FOXK2: variants seen among roughly 807,000 people sequenced by gnomAD.
FOXK2 encodes forkhead box protein K2.
A neutral mutation model predicts 53.3 loss-of-function variants in FOXK2; 24 were observed. The observed-to-expected ratio is 0.45, with a 90% CI of 0.33 to 0.63. The LOEUF (loss-of-function observed/expected upper bound fraction) is 0.63, where lower values mean the gene tolerates loss of function less well. Ranked by LOEUF, FOXK2 falls within the 30% of genes least tolerant of loss-of-function variation. The pLI is 0.03. For missense variants in FOXK2, 952 were observed against 910.5 expected, an observed-to-expected ratio of 1.05 and a Z score of -0.59; for synonymous variants, 505 against 407.1, an observed-to-expected ratio of 1.24 and a Z score of -2.89.
intron 5 of FOXK2, 34 bp downstream of exon 5, chr17:82,582,968 G>A (rs376701656): frequency 3.4e-6 from 5 of 1,466,992 alleles, no homozygotes; most frequent in Admixed American, 2.5e-5. Context: ...GCCTCACTTC[G>A]TGCTTACTAA....
At chr17:82,571,930 C>A in intron 4 of FOXK2, 60 bp downstream of exon 4, 1 of 1,445,480 alleles carries the variant, frequency 6.9e-7, no homozygotes, top group Non-Finnish European at 9.2e-7. Flanking sequence ...GAAAGTGGAG[C>A]GGCTGCTGTC....
chr17:82,537,423 G>A (rs1567966610), intron 1 of FOXK2, among the ~76,000 whole-genome samples: 1 of 151,656 alleles, frequency 6.6e-6, no homozygotes, highest in African/African-American at 2.4e-5. Flanking sequence ...TGAGGTGGGC[G>A]GATCATGAGG....
intron 8 of FOXK2, among the ~76,000 whole-genome samples, chr17:82,596,545 C>G (rs891905509): frequency 5.2e-5 from 8 of 152,386 alleles, no homozygotes; most frequent in African/African-American, 1.9e-4. Context: ...GACGCACTTT[C>G]TGCGGGCAGT....
Position 82,570,029 on chromosome 17 carries a change from T to C in FOXK2, c.763-1695T>C, listed in dbSNP as rs376647073. On this transcript the variant is annotated intron_variant, in intron 3 of 8. Coordinates refer to ENST00000335255, the MANE Select transcript of FOXK2 (RefSeq NM_004514.4). The stretch of plus-strand genomic sequence containing the variant: ...CGAGGTCAGGAGATCGAGACCATCC[T>C]GGCTAACACGGTGAAATCCCGTCTG... 9.8e-3 allele frequency among the ~76,000 whole-genome samples: 1,477 copies of C among 150,512 alleles called. 20 individuals are homozygous for C. Among genetic ancestry groups the C allele is most frequent in the African/African-American group, 0.035 (1,410 of 40,804 alleles).
Position 82,587,073 on chromosome 17 carries a change from G to A in FOXK2, c.1587G>A (p.Glu529=), listed in dbSNP as rs759762507. 11 of 1,608,850 alleles carry A rather than the reference G, an allele frequency of 6.8e-6. No homozygotes were observed. Among genetic ancestry groups the A allele is most frequent in the Non-Finnish European group, 7.6e-6 (9 of 1,177,066 alleles). Residue 529 remains glutamate, a synonymous_variant, in exon 8 of 9, where the codon GAG becomes GAA. Transcript: ENST00000335255. Reference sequence around the variant, plus strand: ...TTCCTTTAATTTCAGTGAAAGTAGAGCCTATTCCCGCCATTGGCCACGCCA... The same window carrying A: ...TTCCTTTAATTTCAGTGAAAGTAGAACCTATTCCCGCCATTGGCCACGCCA... ...GDHREVKVKV[E]PIPAIGHATL...
At chr17:82,580,946 A>G (rs980463924) in intron 4 of FOXK2, among the ~76,000 whole-genome samples, 3 of 152,198 alleles carry the variant, frequency 2.0e-5, no homozygotes, top group Non-Finnish European at 4.4e-5. Flanking sequence ...CCCGTGAAGT[A>G]GCTCCATCCA....
chr17:82,519,777 C>G lies in FOXK2; in HGVS notation c.-112C>G, dbSNP rs1007697762. The stretch of plus-strand genomic sequence containing the variant: ...CGCTCGCCGGCCGGCGGCCTCCGCT[C>G]GGCCCCCTCCCTCAGCTCCGGTGCG... On this transcript the variant is annotated 5_prime_UTR_variant, in exon 1 of 9. Coordinates refer to ENST00000335255, the MANE Select transcript of FOXK2 (RefSeq NM_004514.4). The G allele has an allele frequency of 4.4e-5, 13 of 295,836 alleles. No homozygotes were observed. The East Asian group carries it at 1.8e-3, about 41-fold the overall frequency. The allele number at this position is 295,836 out of a possible 1,614,324, so 18.3% of individuals were successfully genotyped here. A position where few individuals can be genotyped will look rare whatever the true frequency, so the allele number is the denominator to read the frequency against.
rs535252088 is a variant in FOXK2 at position 82,566,245 on chromosome 17, A to C, written c.615-1809A>C. On this transcript the variant is annotated intron_variant, in intron 2 of 8. Transcript: ENST00000335255. ...TTTATGTTGTGTGTATTTTACCACA[A>C]AAAAAAAAATAGGCCCCCTGGAAAA... Among the ~76,000 whole-genome samples the C allele has an allele frequency of 1.6e-4, 24 of 147,486 alleles. 1 individual carries two copies. In the South Asian group the frequency reaches 2.6e-3, roughly 16 times the overall value.
intron 2 of FOXK2, 62 bp downstream of exon 2, chr17:82,563,610 C>G: frequency 6.8e-7 from 1 of 1,460,488 alleles, no homozygotes; most frequent in African/African-American, 1.4e-5. Context: ...CCAAGTAACG[C>G]CTTTCTCCTT....
At chr17:82,553,022 G>A (rs2044691753) in intron 1 of FOXK2, among the ~76,000 whole-genome samples, 1 of 152,136 alleles carries the variant, frequency 6.6e-6, no homozygotes, top group Non-Finnish European at 1.5e-5. Context: ...TGCAACCTCT[G>A]CCTCCTGAGT....
At chr17:82,586,356 A>AG (rs1294367428) in intron 7 of FOXK2, among the ~76,000 whole-genome samples, 156 bp downstream of exon 7, 10 of 5,484 alleles carry the variant, frequency 1.8e-3, no homozygotes, top group South Asian at 6.8e-3. Flanking sequence ...AGGTAGGCGG[A>AG]GGGGAAAGGA....
intron 1 of FOXK2, among the ~76,000 whole-genome samples, chr17:82,523,506 C>A (rs1046906302): frequency 6.9e-6 from 1 of 144,290 alleles, no homozygotes; most frequent in Non-Finnish European, 1.5e-5. Flanking sequence ...GTTTTTCGCT[C>A]TTGTTGCCTA....
chr17:82,587,792 G>A (rs1173855095), intron 8 of FOXK2, among the ~76,000 whole-genome samples: 1 of 152,214 alleles, frequency 6.6e-6, no homozygotes, highest in Non-Finnish European at 1.5e-5. Context: ...GCCCTGCCCT[G>A]TGGAGTGTGG....
Position 82,546,659 on chromosome 17 carries a change from G to T in FOXK2, c.420-16695G>T, listed in dbSNP as rs184414160. 3.6e-3 allele frequency among the ~76,000 whole-genome samples: 554 copies of T among 151,818 alleles called. 2 individuals are homozygous for T. Among genetic ancestry groups the T allele is most frequent in the Non-Finnish European group, 5.5e-3 (375 of 67,942 alleles). ...TTCCTTTTTTTTAAACGGTGACGGG[G>T]GTCTCACCATGTTGCCCAGGCTGGT... On this transcript the variant is annotated intron_variant, in intron 1 of 8. Transcript: ENST00000335255.
chr17:82,544,963 A>G (rs567000831), intron 1 of FOXK2, among the ~76,000 whole-genome samples: 4 of 151,688 alleles, frequency 2.6e-5, no homozygotes, highest in Admixed American at 2.6e-4. Context: ...GATGGAAAAA[A>G]ATAATTAAAA....
At chr17:82,555,878 T>A (rs1283975918) in intron 1 of FOXK2, among the ~76,000 whole-genome samples, 3 of 85,952 alleles carry the variant, frequency 3.5e-5, no homozygotes, top group Non-Finnish European at 6.4e-5. Context: ...AAAGCAAGAC[T>A]CTATCACAAA....
chr17:82,553,225 C>A (rs1042792791), intron 1 of FOXK2, among the ~76,000 whole-genome samples: 1 of 152,252 alleles, frequency 6.6e-6, no homozygotes, highest in Non-Finnish European at 1.5e-5. Context: ...CGTGAGCCAC[C>A]GTGCCCAGCC....
chr17:82,569,383 GA>G (rs771173469), intron 3 of FOXK2, among the ~76,000 whole-genome samples: 1 of 152,220 alleles, frequency 6.6e-6, no homozygotes, highest in Non-Finnish European at 1.5e-5. Flanking sequence ...ATTGTTTAAG[GA>G]TGCAGCCAAG....
intron 1 of FOXK2, among the ~76,000 whole-genome samples, chr17:82,556,782 C>T (rs1253784516): frequency 1.3e-5 from 2 of 152,002 alleles, no homozygotes; most frequent in Non-Finnish European, 2.9e-5. Flanking sequence ...CTGCAGCCTC[C>T]ACCTCCTGGG....
Sources: gnomAD v4.1 joint callset for allele counts (sites outside exome capture counted in the v4.1 genomes callset) on GRCh38, gnomAD v4.1.1 for gene constraint, MANE v1.5 for transcripts, NCBI Gene and HGNC (gene_info 2026-07-23, HGNC 2026-07-21) for gene names.